The following SOX13 variants were observed in gnomAD, a reference collection of about 807,000 sequenced individuals.
The protein encoded by SOX13 is transcription factor SOX-13.
SOX13 carries 28 observed loss-of-function variants against 71.8 expected under a neutral mutation model. That is an observed-to-expected ratio of 0.39 (90% confidence interval 0.29 to 0.53). SOX13 has a LOEUF of 0.53. Ranked by LOEUF, SOX13 falls within the 20% of genes least tolerant of loss-of-function variation. The pLI is 0.70. For missense variants in SOX13, 627 were observed against 810.3 expected (o/e 0.77, Z 2.75); for synonymous variants, 309 against 317.8 (o/e 0.97, Z 0.29).
rs1282109215 is a variant in SOX13 at position 204,127,728 on chromosome 1, A to G, written c.*1594A>G. 1.3e-5 allele frequency: 2 copies of G among 152,630 alleles called. No individual in the cohort carries two copies. Among genetic ancestry groups the G allele is most frequent in the East Asian group, 1.9e-4 (1 of 5,202 alleles). The allele number at this position is 152,630 out of a possible 1,614,324, so 9.5% of individuals were successfully genotyped here. On this transcript the variant is annotated 3_prime_UTR_variant, in exon 14 of 14. Coordinates refer to ENST00000367204, the MANE Select transcript of SOX13 (RefSeq NM_005686.3). ...TTTGTTTTCTGATGACATAATAAAGACAGATCATTTCAGAATCTGGCCCTT... is the reference window on the plus strand; with the variant it reads ...TTTGTTTTCTGATGACATAATAAAGGCAGATCATTTCAGAATCTGGCCCTT...
At position 204,081,630 on chromosome 1, in the gene SOX13, C is replaced by T. The variant is rs2102221986; in HGVS notation, c.-2+7919C>T. 1.3e-5 allele frequency among the ~76,000 whole-genome samples: 2 copies of T among 152,262 alleles called. No individual in the cohort carries two copies. The highest frequency in any genetic ancestry group is 2.9e-5 in the Non-Finnish European group (2 of 68,008). The stretch of plus-strand genomic sequence containing the variant: ...GGGAGGGGAGCCTTGGCGTGAGCTG[C>T]CCTCACACTGACTTAAAAGCATTAA... On this transcript the variant is annotated intron_variant, in intron 1 of 13. Transcript: ENST00000367204. The surrounding 1 kb of genome is among the most constrained non-coding windows in gnomAD (Gnocchi z 4.3).
At chr1:204,103,724 A>T (rs1656404161) in intron 1 of SOX13, among the ~76,000 whole-genome samples, 1 of 152,250 alleles carries the variant, frequency 6.6e-6, no homozygotes, top group African/African-American at 2.4e-5. Flanking sequence ...TGTCCAGGAC[A>T]CAGGCTTGGC....
intron 1 of SOX13, among the ~76,000 whole-genome samples, chr1:204,090,762 T>A (rs1222147410): frequency 6.6e-6 from 1 of 152,166 alleles, no homozygotes; most frequent in Non-Finnish European, 1.5e-5. Flanking sequence ...CAAATTCGAT[T>A]CAGCACGGGT....
chr1:204,095,984 G>A (rs1361647423), intron 1 of SOX13, among the ~76,000 whole-genome samples: 2 of 152,046 alleles, frequency 1.3e-5, no homozygotes, highest in African/African-American at 4.8e-5. Flanking sequence ...TGTCTACATC[G>A]TAGATGTGTC....
At chr1:204,094,220 T>C (rs1000947253) in intron 1 of SOX13, among the ~76,000 whole-genome samples, 1 of 152,324 alleles carries the variant, frequency 6.6e-6, no homozygotes, top group Admixed American at 6.5e-5. Context: ...ACGATGAGAC[T>C]CAGAGAACTT....
chr1:204,086,413 C>T (rs2102226988), intron 1 of SOX13, among the ~76,000 whole-genome samples: 1 of 152,278 alleles, frequency 6.6e-6, no homozygotes, highest in African/African-American at 2.4e-5. Context: ...AAGAGATTCT[C>T]CTGCCTCAGC....
rs556222186 is a variant in SOX13 at position 204,078,953 on chromosome 1, A to G, written c.-2+5242A>G. ...CTCCTAAGAGCACTTGCTGTATGCC[A>G]TGGACCCAGCTTAAAGCCCCATGGT... is the stretch of plus-strand genomic sequence containing the variant. On this transcript the variant is annotated intron_variant, in intron 1 of 13. Transcript: ENST00000367204. Among the ~76,000 whole-genome samples the G allele has an allele frequency of 2.0e-3, 301 of 152,324 alleles. 2 individuals are homozygous for G. Among genetic ancestry groups the G allele is most frequent in the Non-Finnish European group, 3.1e-3 (211 of 68,018 alleles).
Position 204,123,397 on chromosome 1 carries a change from G to A in SOX13, c.1231+189G>A, listed in dbSNP as rs868784948. On this transcript the variant is annotated intron_variant, in intron 11 of 13. Coordinates refer to ENST00000367204, the MANE Select transcript of SOX13 (RefSeq NM_005686.3). The surrounding 1 kb of genome is among the most constrained non-coding windows in gnomAD (Gnocchi z 5.0). The stretch of plus-strand genomic sequence containing the variant: ...CTGAGTCTGCTTTCCTAAGTTTTGT[G>A]ACTGCTGAGTTTCTGCTCTCTCTTG... 6.6e-6 allele frequency among the ~76,000 whole-genome samples: 1 copy of A among 152,172 alleles called. No individual in the cohort carries two copies. Among genetic ancestry groups the A allele is most frequent in the Non-Finnish European group, 1.5e-5 (1 of 68,026 alleles).
In SOX13 at chr1:204,126,090, G is replaced by A; in HGVS notation, c.1825G>A (p.Gly609Ser). The A allele has an allele frequency of 3.1e-6, 5 of 1,613,974 alleles. No individual in the cohort carries two copies. The highest frequency in any genetic ancestry group is 1.1e-5 in the South Asian group (1 of 91,084). The change falls in exon 14 of 14, where the codon GGC (glycine) becomes AGC (serine). Residue 609 changes from glycine to serine, a missense_variant. Coordinates refer to ENST00000367204, the MANE Select transcript of SOX13 (RefSeq NM_005686.3). ...GTACAGCGAGGACGAGGACTCGGAG[G>A]GCGAAGAGAAGAGCGATGGGGAGTT... is the stretch of plus-strand genomic sequence containing the variant. ...YRYSEDEDSE[G>S]EEKSDGELVV...
At chr1:204,075,700 G>A (rs180900771) in intron 1 of SOX13, among the ~76,000 whole-genome samples, 1 of 152,218 alleles carries the variant, frequency 6.6e-6, no homozygotes, top group East Asian at 1.9e-4. Context: ...TGCCACTGGC[G>A]GTGTGACTCT....
intron 12 of SOX13, among the ~76,000 whole-genome samples, chr1:204,124,028 C>CGT (rs371106788): frequency 2.0e-5 from 3 of 152,048 alleles, no homozygotes; most frequent in Non-Finnish European, 4.4e-5. Flanking sequence ...AAGGAGTGTG[C>CGT]GTGTGTGTGT....
In SOX13 at chr1:204,123,728, G is replaced by A. The variant is rs762545290; in HGVS notation, c.1299G>A (p.Val433=). ...HIKRPMNAFM[V]WAKDERRKIL... is the part of the protein sequence containing the mutation. ...AGAGGCCCATGAACGCCTTCATGGT[G>A]TGGGCCAAGGATGAGCGGAGGAAGA... The change falls in exon 12 of 14, where the codon GTG becomes GTA. Residue 433 remains valine, a synonymous_variant. Transcript: ENST00000367204. This position sits in a 1 kb window ranked among gnomAD's most constrained non-coding sequence, Gnocchi z 5.0. The A allele has an allele frequency of 9.3e-6, 15 of 1,614,212 alleles. No individual in the cohort carries two copies. The highest frequency in any genetic ancestry group is 2.2e-5 in the South Asian group (2 of 91,084).
At chr1:204,097,646 GC>G (rs1656277652) in intron 1 of SOX13, among the ~76,000 whole-genome samples, 1 of 148,406 alleles carries the variant, frequency 6.7e-6, no homozygotes, top group South Asian at 2.1e-4. Flanking sequence ...AGCCGAGATT[GC>G]GCCATTGCAT....
intron 1 of SOX13, among the ~76,000 whole-genome samples, chr1:204,090,617 G>T (rs1185338287): frequency 1.3e-5 from 2 of 151,804 alleles, no homozygotes; most frequent in African/African-American, 2.4e-5. Context: ...CACTATGTTG[G>T]CCAGGCTGGT....
Position 204,116,514 on chromosome 1 carries a change from A to G in SOX13, c.426A>G (p.Gln142=), listed in dbSNP as rs1410228482. The change falls in exon 5 of 14, where the codon CAA becomes CAG. Residue 142 remains glutamine (Q), a synonymous_variant. Coordinates refer to ENST00000367204, the MANE Select transcript of SOX13 (RefSeq NM_005686.3). ...SMEAKDVKGT[Q]ESLAEKELQL... ...TGTTTCACTGTGGAGCAGGGACCCA[A>G]GAGAGCCTAGCAGAGAAGGAGCTCC... 1 of 1,613,764 alleles carries G rather than the reference A, an allele frequency of 6.2e-7. No individual in the cohort carries two copies. Among genetic ancestry groups the G allele is most frequent in the Non-Finnish European group, 8.5e-7 (1 of 1,179,802 alleles).
intron 1 of SOX13, among the ~76,000 whole-genome samples, chr1:204,109,991 C>A (rs901312891): frequency 1.3e-5 from 2 of 151,992 alleles, no homozygotes; most frequent in African/African-American, 4.8e-5. Flanking sequence ...CACCACCACA[C>A]CCGGCTAATT....
At chr1:204,086,447 A>T (rs1656020900) in intron 1 of SOX13, among the ~76,000 whole-genome samples, 1 of 151,924 alleles carries the variant, frequency 6.6e-6, no homozygotes, top group South Asian at 2.1e-4. Context: ...GGGACTACAC[A>T]CATGTGCTGC....
At chr1:204,115,462 T>A (rs1406142144) in intron 4 of SOX13, among the ~76,000 whole-genome samples, 5 of 126,520 alleles carry the variant, frequency 4.0e-5, no homozygotes, top group Non-Finnish European at 7.9e-5. Context: ...GATCCATGAG[T>A]GATTCCGATG....
In SOX13 at chr1:204,100,938, G is replaced by A. The variant is rs1364853970; in HGVS notation, c.-1-11977G>A. Among the ~76,000 whole-genome samples, 4 of 152,248 alleles carry A rather than the reference G, an allele frequency of 2.6e-5. No homozygotes were observed. In the East Asian group the frequency reaches 7.7e-4, roughly 29 times the overall value. On this transcript the variant is annotated intron_variant, in intron 1 of 13. Transcript: ENST00000367204. ...GAGCCTTGGCTGCCATGATCATAGA[G>A]CTGCTGCTCACCTCCTCAAGGGCTG...
Sources: allele counts gnomAD v4.1 joint callset (sites outside exome capture counted in the v4.1 genomes callset), GRCh38; gene constraint gnomAD v4.1.1; non-coding constraint Gnocchi (gnomAD v3.1); transcripts MANE v1.5; gene names NCBI Gene and HGNC (gene_info 2026-07-23, HGNC 2026-07-21).